Variants in NFASC observed in about 807,000 individuals in gnomAD.
The protein encoded by NFASC is neurofascin homolog.
A neutral mutation model predicts 147.5 loss-of-function variants in NFASC; 43 were observed. That is an observed-to-expected ratio of 0.29 (90% CI 0.23 to 0.38). The LOEUF (loss-of-function observed/expected upper bound fraction) is 0.38. NFASC is among the 10% of genes least tolerant of loss of function. The pLI, the probability that NFASC is intolerant of heterozygous loss-of-function variation, is 1.00. For synonymous variants in NFASC, 622 were observed against 665.5 expected (o/e 0.93, Z 1.01); for missense variants, 1,320 against 1,689.0 (o/e 0.78, Z 3.83).
chr1:204,877,347 G>A (rs193264008), intron 1 of NFASC, among the ~76,000 whole-genome samples: 134 of 152,060 alleles, frequency 8.8e-4, no homozygotes, highest in African/African-American at 3.1e-3. Flanking sequence ...CACAGCGTCT[G>A]TGAAACGGCC....
At chr1:204,851,418 C>T (rs4951139) in intron 1 of NFASC, among the ~76,000 whole-genome samples, 25,613 of 151,674 alleles carry the variant, frequency 0.17, 3,049 homozygotes, top group East Asian at 0.52. Context: ...CTGCAACCTC[C>T]ACCTCCCAGG....
chr1:204,997,243 TGCCACCACCGAA>T lies in NFASC; in HGVS notation c.2862_2873del (p.Glu956_Thr959del), dbSNP rs778213105. On this transcript the variant is annotated inframe_deletion, in exon 25 of 30. Transcript: ENST00000339876. ...GCAGTACCGATGCTACTGCCATTGCTGCCACCACCGAAGCCACAACAGTCCCCATCATCCCAA... is the reference window on the plus strand; with the variant it reads ...GCAGTACCGATGCTACTGCCATTGCTGCCACAACAGTCCCCATCATCCCAA... 2 of 1,613,150 alleles carry T rather than the reference TGCCACCACCGAA, an allele frequency of 1.2e-6. No homozygotes were observed. The highest frequency in any genetic ancestry group is 1.7e-5 in the Admixed American group (1 of 59,990).
rs747035695 is a variant in NFASC at position 205,012,125 on chromosome 1, C to T, written c.3422-672C>T. ...CATCCGCCTCTGTGCTGTGCACTAG[C>T]GATACTGGAGGAAAAATGATCTCTC... On this transcript the variant is annotated intron_variant, in intron 28 of 29. Coordinates refer to ENST00000339876, the MANE Select transcript of NFASC (RefSeq NM_001005388.3). Among the ~76,000 whole-genome samples the T allele has an allele frequency of 5.9e-5, 9 of 152,310 alleles. No individual in the cohort carries two copies. The South Asian group carries it at 8.3e-4, about 14-fold the overall frequency.
chr1:204,976,897 A>G, intron 16 of NFASC, 102 bp downstream of exon 16: 1 of 1,517,360 alleles, frequency 6.6e-7, no homozygotes, highest in Non-Finnish European at 8.8e-7. Flanking sequence ...GCCTGCAGTC[A>G]AGTGGCCGGG....
At chr1:204,890,955 G>A (rs1004061202) in intron 1 of NFASC, among the ~76,000 whole-genome samples, 2 of 152,210 alleles carry the variant, frequency 1.3e-5, no homozygotes, top group African/African-American at 4.8e-5. Flanking sequence ...TCTCACCCTG[G>A]TAGTGGGCCA....
intron 28 of NFASC, among the ~76,000 whole-genome samples, chr1:205,012,181 A>T (rs2096266131): frequency 6.6e-6 from 1 of 152,250 alleles, no homozygotes. Context: ...CACCGAAAGA[A>T]TGAGCACAGA....
At chr1:204,890,849 C>T (rs987023686) in intron 1 of NFASC, among the ~76,000 whole-genome samples, 1 of 151,634 alleles carries the variant, frequency 6.6e-6, no homozygotes, top group African/African-American at 2.4e-5. Flanking sequence ...GGATTACAGG[C>T]GTGAGCCACC....
chr1:205,001,714 G>A (rs991348947), intron 26 of NFASC, among the ~76,000 whole-genome samples: 3 of 152,128 alleles, frequency 2.0e-5, no homozygotes, highest in Non-Finnish European at 4.4e-5. Context: ...GAATGCCAGC[G>A]GCCCCCAGTC....
At chr1:204,973,494 G>A (rs887479141) in intron 12 of NFASC, 75 bp downstream of exon 12, 22 of 1,546,450 alleles carry the variant, frequency 1.4e-5, no homozygotes, top group East Asian at 4.7e-5. Flanking sequence ...TGGTTATGTC[G>A]TGGGGCACAC....
rs1426684304 is a variant in NFASC at position 204,828,689 on chromosome 1, C to T, written c.-293C>T. 2 of 985,262 alleles carry T rather than the reference C, an allele frequency of 2.0e-6. No homozygotes were observed. The highest frequency in any genetic ancestry group is 2.4e-6 in the Non-Finnish European group (2 of 829,924). The allele number at this position is 985,262 out of a possible 1,614,324, so 61.0% of individuals were successfully genotyped here. ...GTCTCTGCCCTAATGCGGCGGCTGG[C>T]GGCGAGAGGCGCTGCAGGGGACGCG... On this transcript the variant is annotated 5_prime_UTR_variant, in exon 1 of 30. Coordinates refer to ENST00000339876, the MANE Select transcript of NFASC (RefSeq NM_001005388.3).
intron 2 of NFASC, among the ~76,000 whole-genome samples, chr1:204,934,851 A>G (rs1042245916): frequency 6.6e-6 from 1 of 152,248 alleles, no homozygotes; most frequent in East Asian, 1.9e-4. Flanking sequence ...AGGGGTAGAG[A>G]TGAATTCTCC....
chr1:204,841,203 T>G (rs1406349645), intron 1 of NFASC, among the ~76,000 whole-genome samples: 4 of 152,238 alleles, frequency 2.6e-5, no homozygotes, highest in Non-Finnish European at 2.9e-5. Flanking sequence ...TCTCATTGAC[T>G]CATCACAACC....
At chr1:205,009,893 G>A in intron 28 of NFASC, 1 of 616,904 alleles carries the variant, frequency 1.6e-6, no homozygotes. Flanking sequence ...TTGGGCGGAT[G>A]GCACAGTCCA....
At chr1:204,866,960 C>A (rs1196649863) in intron 1 of NFASC, among the ~76,000 whole-genome samples, 2 of 151,994 alleles carry the variant, frequency 1.3e-5, no homozygotes, top group African/African-American at 2.4e-5. Flanking sequence ...TGGTACTGGG[C>A]CTTAGAGGAT....
At chr1:204,957,513 C>G (rs1348441577) in intron 7 of NFASC, 143 bp from the exon 8 acceptor site, 1 of 677,936 alleles carries the variant, frequency 1.5e-6, no homozygotes, top group Non-Finnish European at 2.6e-6. Context: ...AGCCATACTT[C>G]AGAGTTGAGA....
At chr1:204,950,779 G>A (rs2149932587) in intron 4 of NFASC, among the ~76,000 whole-genome samples, 1 of 152,294 alleles carries the variant, frequency 6.6e-6, no homozygotes, top group African/African-American at 2.4e-5. Context: ...AAGGGCACGT[G>A]GTAAGAAGAG....
At chr1:205,003,814 C>T (rs1011932396) in intron 27 of NFASC, among the ~76,000 whole-genome samples, 1 of 152,190 alleles carries the variant, frequency 6.6e-6, no homozygotes, top group African/African-American at 2.4e-5. Flanking sequence ...GAGTCCCTGC[C>T]CATCTGTGTA....
intron 1 of NFASC, among the ~76,000 whole-genome samples, chr1:204,830,090 A>C (rs1210491428): frequency 6.6e-6 from 1 of 151,364 alleles, no homozygotes; most frequent in East Asian, 2.0e-4. Flanking sequence ...AGAGGACAAC[A>C]ATACCCCTTT....
intron 25 of NFASC, 75 bp from the exon 26 acceptor site, chr1:205,001,092 TGTG>T: frequency 1.2e-6 from 1 of 811,546 alleles, no homozygotes; most frequent in South Asian, 1.4e-5. Context: ...TGCACACGCT[TGTG>T]TGTATGTGTG....
Sources: gnomAD v4.1 joint callset for allele counts (sites outside exome capture counted in the v4.1 genomes callset) on GRCh38, gnomAD v4.1.1 for gene constraint, MANE v1.5 for transcripts, NCBI Gene and HGNC (gene_info 2026-07-23, HGNC 2026-07-21) for gene names.